Variants in MLANA observed in about 807,000 individuals in gnomAD.
The protein encoded by MLANA is melan-A, also known as melanoma antigen recognized by T-cells 1.
Under a neutral mutation model 15.7 loss-of-function variants are expected in MLANA, and 21 were observed. That is an observed-to-expected ratio of 1.33 (90% CI 0.95 to 1.92). The LOEUF (loss-of-function observed/expected upper bound fraction) is 1.92, where lower values mean the gene tolerates loss of function less well. Among genes scored for constraint, MLANA ranks in the 40% most tolerant of loss-of-function variants. MLANA has a pLI of 0.00. For missense variants in MLANA, 164 were observed against 143.8 expected (o/e 1.14, Z -0.72); for synonymous variants, 56 against 51.5 (o/e 1.09, Z -0.37).
intron 3 of MLANA, among the ~76,000 whole-genome samples, chr9:5,901,226 T>C (rs562670032): frequency 1.3e-5 from 2 of 152,186 alleles, no homozygotes; most frequent in Non-Finnish European, 2.9e-5. Context: ...TTCCAGTTTA[T>C]TGCATTAGTT....
At chr9:5,891,402 T>C (rs1831649339) in intron 1 of MLANA, 1 of 152,200 alleles carries the variant, frequency 6.6e-6, no homozygotes, top group South Asian at 2.1e-4. Flanking sequence ...AGAGGACTGG[T>C]GAGTTTGACT....
chr9:5,897,750 T>G, intron 3 of MLANA, 97 bp downstream of exon 3: 2 of 1,069,814 alleles, frequency 1.9e-6, no homozygotes, highest in South Asian at 2.5e-5. Context: ...ATTGCCTCAT[T>G]ATAACCTTCA....
rs1831904925 is a variant in MLANA at position 5,894,856 on chromosome 9, T to C, written c.77+2305T>C. Reference sequence around the variant, plus strand: ...AGTCCCAGCATCACAGAGCAGAGCATAGAAAGGTAGGTTTGGAGTTGAGGG... The same window carrying C: ...AGTCCCAGCATCACAGAGCAGAGCACAGAAAGGTAGGTTTGGAGTTGAGGG... On this transcript the variant is annotated intron_variant, in intron 2 of 4. Transcript: ENST00000381477. The surrounding 1 kb of genome is among the most constrained non-coding windows in gnomAD (Gnocchi z 4.0). 6.6e-6 allele frequency among the ~76,000 whole-genome samples: 1 copy of C among 152,118 alleles called. No homozygotes were observed. The highest frequency in any genetic ancestry group is 1.5e-5 in the Non-Finnish European group (1 of 68,032).
chr9:5,903,294 T>A (rs76547345), intron 3 of MLANA, among the ~76,000 whole-genome samples: 3 of 152,204 alleles, frequency 2.0e-5, no homozygotes, highest in African/African-American at 7.2e-5. Context: ...GTGTATTCTG[T>A]TGTCGTTGGA....
intron 3 of MLANA, among the ~76,000 whole-genome samples, chr9:5,901,338 T>A (rs1048772483): frequency 1.3e-5 from 2 of 152,168 alleles, no homozygotes; most frequent in Non-Finnish European, 1.5e-5. Context: ...ATGTTAACTG[T>A]TGATTTTTTG....
chr9:5,897,970 C>T, intron 3 of MLANA: 1 of 277,320 alleles, frequency 3.6e-6, no homozygotes, highest in Non-Finnish European at 7.1e-6. Flanking sequence ...CTAGGGGCCA[C>T]ACCTGGTGAG....
chr9:5,906,492 C>T (rs1435080572), intron 3 of MLANA, among the ~76,000 whole-genome samples: 2 of 152,252 alleles, frequency 1.3e-5, no homozygotes, highest in African/African-American at 4.8e-5. Context: ...GGCAGGTCTA[C>T]TGGCAATGAA....
Position 5,906,883 on chromosome 9 carries a change from A to T in MLANA, c.175-2A>T, listed in dbSNP as rs367639276. The T allele has an allele frequency of 6.4e-7, 1 of 1,551,874 alleles. No individual in the cohort carries two copies. Among genetic ancestry groups the T allele is most frequent in the Non-Finnish European group, 8.7e-7 (1 of 1,152,182 alleles). ...ACTCACCTTTATCAATTTACATTTC[A>T]GGATAAAAGTCTTCATGTTGGCACT... On this transcript the variant is annotated splice_acceptor_variant, in intron 3 of 4. Coordinates refer to ENST00000381477, the MANE Select transcript of MLANA (RefSeq NM_005511.2). LOFTEE classifies it high-confidence loss of function.
intron 3 of MLANA, among the ~76,000 whole-genome samples, chr9:5,904,365 T>G (rs1226378283): frequency 6.6e-6 from 1 of 152,176 alleles, no homozygotes; most frequent in Non-Finnish European, 1.5e-5. Context: ...ACCTGTTGCC[T>G]CTGTTCTTTG....
chr9:5,905,622 A>G (rs1243319745), intron 3 of MLANA, among the ~76,000 whole-genome samples: 1 of 152,234 alleles, frequency 6.6e-6, no homozygotes, highest in Non-Finnish European at 1.5e-5. Context: ...ACTGACTTCA[A>G]GTCTTAAGAC....
chr9:5,898,109 A>T (rs7042947), intron 3 of MLANA: 154,419 of 158,954 alleles, frequency 0.97, 75,146 homozygotes, highest in Non-Finnish European at 0.99. Context: ...GCAGTGGTGA[A>T]CATGAGTCAC....
chr9:5,899,871 T>A (rs776386506), intron 3 of MLANA, among the ~76,000 whole-genome samples: 2 of 152,198 alleles, frequency 1.3e-5, no homozygotes, highest in African/African-American at 4.8e-5. Context: ...TTGTCTGCCA[T>A]TGAGTTGCTT....
intron 3 of MLANA, among the ~76,000 whole-genome samples, chr9:5,898,535 A>G (rs1832196197): frequency 6.6e-6 from 1 of 152,160 alleles, no homozygotes. Context: ...TTCAAACTAT[A>G]GCACCTGTCT....
chr9:5,896,319 T>C (rs966895978), intron 2 of MLANA, among the ~76,000 whole-genome samples: 1 of 152,216 alleles, frequency 6.6e-6, no homozygotes, highest in Non-Finnish European at 1.5e-5. Flanking sequence ...GTAGTCACTA[T>C]GGTTATGGTA....
intron 2 of MLANA, among the ~76,000 whole-genome samples, chr9:5,893,077 A>C (rs2129885185): frequency 6.6e-6 from 1 of 152,358 alleles, no homozygotes; most frequent in East Asian, 1.9e-4. Context: ...GTGAATTAAA[A>C]ATAAGTATTT....
rs180806679 is a variant in MLANA at position 5,910,085 on chromosome 9, G to C, written c.*1377G>C. The stretch of plus-strand genomic sequence containing the variant: ...TGGTCACAGAAGGCTATGAACCTGA[G>C]ACCTGCTCTCTTTGTCAAACAGAGA... On this transcript the variant is annotated 3_prime_UTR_variant, in exon 5 of 5. Transcript: ENST00000381477. The C allele has an allele frequency of 2.6e-5, 4 of 152,292 alleles. No homozygotes were observed. The highest frequency in any genetic ancestry group is 2.6e-4 in the Admixed American group (4 of 15,304). 9.4% of individuals were successfully genotyped at this position (152,292 alleles called of 1,614,324 possible).
At chr9:5,897,270 C>A (rs904733702) in intron 2 of MLANA, among the ~76,000 whole-genome samples, 7 of 152,176 alleles carry the variant, frequency 4.6e-5, no homozygotes, top group African/African-American at 1.7e-4. Context: ...CACATAAAGA[C>A]CAGTTACTAT....
intron 3 of MLANA, among the ~76,000 whole-genome samples, chr9:5,904,304 G>C (rs750740485): frequency 2.0e-5 from 3 of 152,204 alleles, no homozygotes; most frequent in Non-Finnish European, 4.4e-5. Flanking sequence ...GATATTCAAA[G>C]TAGTTATTGA....
intron 3 of MLANA, among the ~76,000 whole-genome samples, chr9:5,905,827 C>CAG (rs1554639724): frequency 6.6e-6 from 1 of 152,216 alleles, no homozygotes; most frequent in Non-Finnish European, 1.5e-5. Flanking sequence ...CCAACCACCT[C>CAG]AGGCACACTT....
Sources: gnomAD v4.1 joint callset for allele counts (sites outside exome capture counted in the v4.1 genomes callset) on GRCh38, gnomAD v4.1.1 for gene constraint, Gnocchi (gnomAD v3.1) non-coding constraint, MANE v1.5 for transcripts, NCBI Gene and HGNC (gene_info 2026-07-23, HGNC 2026-07-21) for gene names.